The following RAB3B variants were observed in gnomAD, a reference collection of about 807,000 sequenced individuals.
RAB3B encodes ras-related protein Rab-3B.
RAB3B carries 11 observed loss-of-function variants against 20.5 expected under a neutral mutation model. That is an observed-to-expected ratio of 0.54 (90% CI 0.34 to 0.89). RAB3B has a LOEUF of 0.89. RAB3B is among the 40% of genes least tolerant of loss of function. The pLI is 0.02. For missense variants in RAB3B, 225 were observed against 280.9 expected, an observed-to-expected ratio of 0.80 and a Z score of 1.42; for synonymous variants, 99 against 106.3, an observed-to-expected ratio of 0.93 and a Z score of 0.42.
intron 4 of RAB3B, among the ~76,000 whole-genome samples, chr1:51,925,328 T>C (rs1684230048): frequency 3.3e-5 from 5 of 152,238 alleles, no homozygotes; most frequent in Admixed American, 1.3e-4. Context: ...TTTCATTCTC[T>C]GGAACTTTGA....
At position 51,967,557 on chromosome 1, in the gene RAB3B, T is replaced by G. The variant is rs138390855; in HGVS notation, c.228+9333A>C. Among the ~76,000 whole-genome samples the G allele has an allele frequency of 9.6e-3, 1,089 of 113,626 alleles. 12 individuals are homozygous for G. Among genetic ancestry groups the G allele is most frequent in the Admixed American group, 0.014 (142 of 9,822 alleles). 74.5% of individuals were successfully genotyped at this position (113,626 alleles called of 152,430 possible). On this transcript the variant is annotated intron_variant, in intron 2 of 4. Transcript: ENST00000371655. ...TTTTTTTTGAGATAGGATCTTGCTC[T>G]GTCACCCAGGCTGGAGTGCAGTGGT...
chr1:51,937,228 G>T (rs1362014116), intron 3 of RAB3B, 66 bp downstream of exon 3: 2 of 1,255,568 alleles, frequency 1.6e-6, no homozygotes, highest in Non-Finnish European at 1.2e-6. Context: ...CACAATACAG[G>T]ACCTAGCACA....
intron 2 of RAB3B, among the ~76,000 whole-genome samples, chr1:51,976,286 C>G (rs1685008290): frequency 6.6e-6 from 1 of 152,096 alleles, no homozygotes; most frequent in African/African-American, 2.4e-5. Context: ...CCACCTCAGC[C>G]TCCCAAGTAA....
intron 2 of RAB3B, among the ~76,000 whole-genome samples, chr1:51,947,170 C>T (rs945749546): frequency 1.3e-5 from 2 of 152,174 alleles, no homozygotes; most frequent in Admixed American, 6.5e-5. Context: ...CCGAGGCAGA[C>T]GGATCATTTG....
At chr1:51,958,946 T>G (rs1289765650) in intron 2 of RAB3B, among the ~76,000 whole-genome samples, 1 of 152,148 alleles carries the variant, frequency 6.6e-6, no homozygotes, top group Non-Finnish European at 1.5e-5. Context: ...CTCACTTTCA[T>G]TTTGCCAGTC....
In RAB3B at chr1:51,988,858, T is replaced by A. The variant is rs548854715; in HGVS notation, c.-1+1694A>T. On this transcript the variant is annotated intron_variant, in intron 1 of 4. Transcript: ENST00000371655. ...GAAGATCTATTTCTTGGACTGGAGA[T>A]GCTTTTAGATTTTTGCCTTTTCCCA... Among the ~76,000 whole-genome samples, 3 of 152,156 alleles carry A rather than the reference T, an allele frequency of 2.0e-5. No homozygotes were observed. In the South Asian group the frequency reaches 6.2e-4, roughly 32 times the overall value.
In RAB3B at chr1:51,912,692, G is replaced by A. The variant is rs1399090791; in HGVS notation, c.*7235C>T. On this transcript the variant is annotated 3_prime_UTR_variant, in exon 5 of 5. Transcript: ENST00000371655. The stretch of plus-strand genomic sequence containing the variant: ...AGGAACTCTGTGGTAGCTCTCTAGG[G>A]CAGAAAACAATGGTGGCCTGGACCA... 6.7e-6 allele frequency: 1 copy of A among 149,538 alleles called. No individual in the cohort carries two copies. The highest frequency in any genetic ancestry group is 1.5e-5 in the Non-Finnish European group (1 of 67,622). 9.3% of individuals were successfully genotyped at this position (149,538 alleles called of 1,614,324 possible).
rs1287670400 is a variant in RAB3B at position 51,916,720 on chromosome 1, G to C, written c.*3207C>G. ...GCAGATACAGGGAAAGCCAGCACTTGGGACTGGGAAGCACTGGGCATTTTC... is the reference window on the plus strand; with the variant it reads ...GCAGATACAGGGAAAGCCAGCACTTCGGACTGGGAAGCACTGGGCATTTTC... On this transcript the variant is annotated 3_prime_UTR_variant, in exon 5 of 5. Transcript: ENST00000371655. 6 of 152,236 alleles carry C rather than the reference G, an allele frequency of 3.9e-5. No individual in the cohort carries two copies. The highest frequency in any genetic ancestry group is 1.4e-4 in the African/African-American group (6 of 41,464). The allele number at this position is 152,236 out of a possible 1,614,324, so 9.4% of individuals were successfully genotyped here. A position where few individuals can be genotyped will look rare whatever the true frequency, so the allele number is the denominator to read the frequency against.
At chr1:51,987,075 G>A (rs2124323232) in intron 1 of RAB3B, among the ~76,000 whole-genome samples, 1 of 152,328 alleles carries the variant, frequency 6.6e-6, no homozygotes, top group Non-Finnish European at 1.5e-5. Flanking sequence ...CCCAGGCTGG[G>A]GGAAAGAAAT....
At chr1:51,928,365 C>T (rs753416000) in intron 4 of RAB3B, among the ~76,000 whole-genome samples, 1 of 152,214 alleles carries the variant, frequency 6.6e-6, no homozygotes, top group Non-Finnish European at 1.5e-5. Context: ...CCTCGGCCTC[C>T]CAGAGTGCTG....
At chr1:51,984,090 C>T (rs897290698) in intron 1 of RAB3B, among the ~76,000 whole-genome samples, 5 of 151,144 alleles carry the variant, frequency 3.3e-5, no homozygotes, top group Non-Finnish European at 4.4e-5. Flanking sequence ...TGGTGAAACC[C>T]CATCTCTACT....
chr1:51,923,171 G>T (rs1684195311), intron 4 of RAB3B, among the ~76,000 whole-genome samples: 1 of 152,176 alleles, frequency 6.6e-6, no homozygotes, highest in Non-Finnish European at 1.5e-5. Flanking sequence ...CATGTGAGTG[G>T]GGTGGGGCAA....
At position 51,912,594 on chromosome 1, in the gene RAB3B, T is replaced by TATAC. The variant is rs1684020930; in HGVS notation, c.*7332_*7333insGTAT. 2 of 35,278 alleles carry TATAC rather than the reference T, an allele frequency of 5.7e-5. No homozygotes were observed. Among genetic ancestry groups the TATAC allele is most frequent in the African/African-American group, 2.0e-4 (2 of 9,992 alleles). 2.2% of individuals were successfully genotyped at this position (35,278 alleles called of 1,614,324 possible). A position where few individuals can be genotyped will look rare whatever the true frequency, so the allele number is the denominator to read the frequency against. On this transcript the variant is annotated 3_prime_UTR_variant, in exon 5 of 5. Coordinates refer to ENST00000371655, the MANE Select transcript of RAB3B (RefSeq NM_002867.4). Reference sequence around the variant, plus strand: ...ATATATATATATATATATATATATATATATATAAAAAATGTTACTCCTGTG... The same window carrying TATAC: ...ATATATATATATATATATATATATATATACATATATAAAAAATGTTACTCCTGTG...
intron 2 of RAB3B, among the ~76,000 whole-genome samples, chr1:51,963,154 C>A (rs1684805416): frequency 6.6e-6 from 1 of 152,186 alleles, no homozygotes; most frequent in African/African-American, 2.4e-5. Context: ...CTCAGTAACT[C>A]ACTCTCACAG....
chr1:51,932,448 G>T (rs1450538950), intron 4 of RAB3B, among the ~76,000 whole-genome samples: 1 of 152,162 alleles, frequency 6.6e-6, no homozygotes, highest in Non-Finnish European at 1.5e-5. Flanking sequence ...TTTAAGCAAA[G>T]GTAGGTAGAG....
At chr1:51,960,385 C>T (rs959383577) in intron 2 of RAB3B, among the ~76,000 whole-genome samples, 4 of 152,184 alleles carry the variant, frequency 2.6e-5, no homozygotes, top group Admixed American at 6.5e-5. Flanking sequence ...CCTGCCCTCC[C>T]AGCCATCTGG....
At chr1:51,931,556 CAT>C (rs1391483472) in intron 4 of RAB3B, among the ~76,000 whole-genome samples, 1 of 152,124 alleles carries the variant, frequency 6.6e-6, no homozygotes. Context: ...TTAACCAAAA[CAT>C]ATTTTTGCAT....
At chr1:51,980,481 G>GA (rs1038771161) in intron 1 of RAB3B, 2 of 654,644 alleles carry the variant, frequency 3.1e-6, no homozygotes, top group African/African-American at 3.6e-5. Flanking sequence ...AGATGACAAA[G>GA]AAAAGAAGGA....
intron 2 of RAB3B, among the ~76,000 whole-genome samples, chr1:51,967,797 T>C (rs142478637): frequency 2.0e-3 from 304 of 152,194 alleles, no homozygotes; most frequent in South Asian, 4.1e-3. Context: ...ATTATAGGCA[T>C]GAGCCACCAC....
Sources: gnomAD v4.1 joint callset for allele counts (sites outside exome capture counted in the v4.1 genomes callset) on GRCh38, gnomAD v4.1.1 for gene constraint, MANE v1.5 for transcripts, NCBI Gene and HGNC (gene_info 2026-07-23, HGNC 2026-07-21) for gene names.